Variants in PDE8B observed in about 807,000 individuals in gnomAD.
The protein encoded by PDE8B is high affinity cAMP-specific and IBMX-insensitive 3',5'-cyclic phosphodiesterase 8B.
PDE8B carries 26 observed loss-of-function variants against 101.3 expected under a neutral mutation model. The ratio of observed to expected loss-of-function variants is 0.26; its 90% CI spans 0.19 to 0.36. The LOEUF (loss-of-function observed/expected upper bound fraction) is 0.36. Among genes scored for constraint, PDE8B ranks in the 10% least tolerant of loss-of-function variants. PDE8B has a pLI of 1.00. For missense variants in PDE8B, 810 were observed against 1,163.1 expected, an observed-to-expected ratio of 0.70 and a Z score of 4.42; for synonymous variants, 424 against 429.3, an observed-to-expected ratio of 0.99 and a Z score of 0.15.
At chr5:77,090,066 C>T in the PDE8B span, among the ~76,000 whole-genome samples, 3 of 152,132 alleles carry the variant, frequency 2.0e-5, no homozygotes, top group Non-Finnish European at 2.9e-5. Context: ...CATGTTCACA[C>T]TCATATGTGG....
At chr5:77,347,444 T>G (rs1780338271) in intron 7 of PDE8B, among the ~76,000 whole-genome samples, 1 of 152,100 alleles carries the variant, frequency 6.6e-6, no homozygotes, top group South Asian at 2.1e-4. Flanking sequence ...TCTACCCAAA[T>G]TTACAACTTA....
chr5:77,403,162 G>A (rs181963096), intron 11 of PDE8B, among the ~76,000 whole-genome samples: 10 of 152,180 alleles, frequency 6.6e-5, no homozygotes, highest in Non-Finnish European at 1.2e-4. Context: ...ATATCTCGGC[G>A]CTCACTGGTG....
chr5:77,344,118 G>C lies in PDE8B; in HGVS notation c.798-735G>C, dbSNP rs559013443. 3.6e-4 allele frequency among the ~76,000 whole-genome samples: 55 copies of C among 152,184 alleles called. 1 individual carries two copies. The South Asian group carries it at 0.011, about 31-fold the overall frequency. The stretch of plus-strand genomic sequence containing the variant: ...GCTGCTTTACAGTTAACTTTTCTTA[G>C]TAGTAGAAGGAATATTTTATCTAAA... On this transcript the variant is annotated intron_variant, in intron 6 of 21. Transcript: ENST00000264917.
chr5:77,280,625 G>A (rs2149842584), intron 1 of PDE8B, among the ~76,000 whole-genome samples: 1 of 152,278 alleles, frequency 6.6e-6, no homozygotes, highest in African/African-American at 2.4e-5. Context: ...GCCAGGCGCG[G>A]TGGCTCACGC....
At chr5:77,135,723 C>T in the PDE8B span, among the ~76,000 whole-genome samples, 1 of 152,088 alleles carries the variant, frequency 6.6e-6, no homozygotes, top group East Asian at 1.9e-4. Context: ...GATCCACCCG[C>T]CTCGGCCTCC....
chr5:77,159,397 A>G, the PDE8B span, among the ~76,000 whole-genome samples: 6 of 152,092 alleles, frequency 3.9e-5, no homozygotes, highest in Admixed American at 3.9e-4. Context: ...AAAAACGTGA[A>G]AAGGAGAGAC....
At chr5:77,155,179 C>T in the PDE8B span, among the ~76,000 whole-genome samples, 2 of 152,110 alleles carry the variant, frequency 1.3e-5, no homozygotes, top group African/African-American at 4.8e-5. Context: ...TATGTCTGTG[C>T]CCACACATGT....
At chr5:77,405,921 G>A (rs1223801797) in intron 12 of PDE8B, among the ~76,000 whole-genome samples, 1 of 152,176 alleles carries the variant, frequency 6.6e-6, no homozygotes, top group East Asian at 1.9e-4. Flanking sequence ...GGTAACTTAA[G>A]AGAGTCAACA....
At chr5:77,087,796 GA>G in the PDE8B span, 1 of 152,322 alleles carries the variant, frequency 6.6e-6, no homozygotes, top group Non-Finnish European at 1.5e-5. Context: ...GGAGAAGGGG[GA>G]AGTCCAGATA....
At chr5:77,209,723 A>G (rs1389067773), upstream of PDE8B, among the ~76,000 whole-genome samples, 1 of 152,234 alleles carries the variant, frequency 6.6e-6, no homozygotes, top group Non-Finnish European at 1.5e-5. Context: ...TGTGAGGAAC[A>G]GCAGTTGACA....
chr5:77,168,315 T>G, the PDE8B span, among the ~76,000 whole-genome samples: 1 of 152,208 alleles, frequency 6.6e-6, no homozygotes, highest in East Asian at 1.9e-4. Flanking sequence ...GTCAGGCTGT[T>G]CCTTCCTGGC....
Position 77,210,896 on chromosome 5 carries a change from G to GGCGGGCGCGC in PDE8B, c.-28_-19dup. 7.8e-7 allele frequency: 1 copy of GGCGGGCGCGC among 1,276,768 alleles called. No homozygotes were observed. Among genetic ancestry groups the GGCGGGCGCGC allele is most frequent in the Non-Finnish European group, 9.8e-7 (1 of 1,017,168 alleles). 79.1% of individuals were successfully genotyped at this position (1,276,768 alleles called of 1,614,324 possible). ...CTGGGTCCCGGCGGCCGCGGGCGCG[G>GGCGGGCGCGC]GCGGGCGCGCGGGGGAGCCCGGCCG... is the stretch of plus-strand genomic sequence containing the variant. On this transcript the variant is annotated 5_prime_UTR_variant, in exon 1 of 22. Transcript: ENST00000264917. This position sits in a 1 kb window ranked among gnomAD's most constrained non-coding sequence, Gnocchi z 4.9.
the PDE8B span, among the ~76,000 whole-genome samples, chr5:77,159,060 C>G: frequency 6.6e-6 from 1 of 152,182 alleles, no homozygotes; most frequent in Non-Finnish European, 1.5e-5. Flanking sequence ...GGGACTCCTG[C>G]CCTACTCTAT....
At chr5:77,331,221 A>G in intron 4 of PDE8B, 181 bp from the exon 5 acceptor site, 2 of 719,992 alleles carry the variant, frequency 2.8e-6, no homozygotes, top group Admixed American at 3.6e-5. Context: ...TTCTTTTTGC[A>G]TCTGGAAGGT....
At chr5:77,247,318 C>G (rs1739152192) in intron 1 of PDE8B, among the ~76,000 whole-genome samples, 1 of 152,192 alleles carries the variant, frequency 6.6e-6, no homozygotes, top group African/African-American at 2.4e-5. Context: ...GCCCTCTGTT[C>G]CGCAGCAGGA....
chr5:77,162,363 A>G, the PDE8B span, among the ~76,000 whole-genome samples: 1 of 152,160 alleles, frequency 6.6e-6, no homozygotes, highest in African/African-American at 2.4e-5. Context: ...TCATCTGTAG[A>G]TTTGACCAAT....
intron 20 of PDE8B, among the ~76,000 whole-genome samples, chr5:77,423,647 T>G (rs1356958731): frequency 4.6e-5 from 6 of 129,980 alleles, no homozygotes; most frequent in African/African-American, 1.4e-4. Context: ...TTTTTTTTTT[T>G]TTTTTTTTTT....
chr5:77,099,319 A>G, the PDE8B span, among the ~76,000 whole-genome samples: 1 of 152,248 alleles, frequency 6.6e-6, no homozygotes, highest in Non-Finnish European at 1.5e-5. Flanking sequence ...TGGAAAAAGT[A>G]CAGACTAGAG....
chr5:77,354,475 GA>G (rs1257333019), intron 10 of PDE8B, among the ~76,000 whole-genome samples: 2 of 151,654 alleles, frequency 1.3e-5, no homozygotes, highest in Non-Finnish European at 2.9e-5. Context: ...CTTTCATAGG[GA>G]AAAAAAAGGG....
Sources: allele counts gnomAD v4.1 joint callset (sites outside exome capture counted in the v4.1 genomes callset), GRCh38; gene constraint gnomAD v4.1.1; non-coding constraint Gnocchi (gnomAD v3.1); transcripts MANE v1.5; gene names NCBI Gene and HGNC (gene_info 2026-07-23, HGNC 2026-07-21).